The following ZCWPW2 variants were observed in gnomAD, a reference collection of about 807,000 sequenced individuals.
The protein encoded by ZCWPW2 is zinc finger CW-type and PWWP domain containing 2.
In ZCWPW2, 45 loss-of-function variants were observed where a neutral mutation model predicts 46.6. The ratio of observed to expected loss-of-function variants is 0.96; its 90% CI spans 0.76 to 1.24. The LOEUF is 1.24. Among genes scored for constraint, ZCWPW2 ranks in the 50% most tolerant of loss-of-function variants. The probability of loss-of-function intolerance (pLI) is 0.00; values close to 1 mark genes in which losing one functional copy is unlikely to be tolerated. For missense variants in ZCWPW2, 429 were observed against 403.9 expected (o/e 1.06, Z -0.53); for synonymous variants, 152 against 137.1 (o/e 1.11, Z -0.76).
intron 4 of ZCWPW2, 138 bp downstream of exon 4, chr3:28,435,407 GTATTTT>G: frequency 1.4e-6 from 1 of 707,102 alleles, no homozygotes; most frequent in Non-Finnish European, 2.0e-6. Flanking sequence ...TCAAATATTT[GTATTTT>G]TAGTGTTTTT....
At chr3:28,369,379 G>A (rs1705233303) in intron 1 of ZCWPW2, among the ~76,000 whole-genome samples, 1 of 152,184 alleles carries the variant, frequency 6.6e-6, no homozygotes, top group African/African-American at 2.4e-5. Flanking sequence ...CTATCAGTCA[G>A]GACCCTCAGC....
rs1352152371 is a variant in ZCWPW2 at position 28,524,716 on chromosome 3, TA to T, written c.*33del. 39 of 1,429,736 alleles carry T rather than the reference TA, an allele frequency of 2.7e-5. No individual in the cohort carries two copies. Among genetic ancestry groups the T allele is most frequent in the Non-Finnish European group, 3.4e-5 (37 of 1,076,180 alleles). The allele number at this position is 1,429,736 out of a possible 1,614,324, so 88.6% of individuals were successfully genotyped here. A position where few individuals can be genotyped will look rare whatever the true frequency, so the allele number is the denominator to read the frequency against. ...CATTATACATTTTTCAAATTAATTATAAAAATATTGGCATCTTTATATTTAT... is the reference window on the plus strand; with the variant it reads ...CATTATACATTTTTCAAATTAATTATAAAATATTGGCATCTTTATATTTAT... On this transcript the variant is annotated 3_prime_UTR_variant, in exon 10 of 10. Coordinates refer to ENST00000383768, the MANE Select transcript of ZCWPW2 (RefSeq NM_001040432.4).
At chr3:28,511,073 C>A (rs771483646) in intron 6 of ZCWPW2, 5 of 455,610 alleles carry the variant, frequency 1.1e-5, no homozygotes, top group Non-Finnish European at 2.2e-5. Context: ...AGACCCTGGG[C>A]ATAATCAATG....
chr3:28,358,941 T>G (rs1479709958), intron 1 of ZCWPW2, among the ~76,000 whole-genome samples: 4 of 152,222 alleles, frequency 2.6e-5, no homozygotes, highest in Admixed American at 2.0e-4. Flanking sequence ...TGAGATAATG[T>G]GTACAAATAG....
intron 5 of ZCWPW2, among the ~76,000 whole-genome samples, chr3:28,489,652 T>C (rs1252323294): frequency 7.4e-6 from 1 of 134,688 alleles, no homozygotes; most frequent in Non-Finnish European, 1.6e-5. Flanking sequence ...TCTCTCTCTT[T>C]CACACACACA....
Position 28,510,585 on chromosome 3 carries a change from C to T in ZCWPW2, c.658-3479C>T, listed in dbSNP as rs531151293. ...TCCTCCAAAGTACATTCTGTAGTAG[C>T]TCTTTCAGCAAAGTTCTATCTTTTT... On this transcript the variant is annotated intron_variant, in intron 6 of 9. Coordinates refer to ENST00000383768, the MANE Select transcript of ZCWPW2 (RefSeq NM_001040432.4). Among the ~76,000 whole-genome samples, 252 of 152,214 alleles carry T rather than the reference C, an allele frequency of 1.7e-3. 1 individual carries two copies. Among genetic ancestry groups the T allele is most frequent in the Non-Finnish European group, 2.7e-3 (185 of 68,022 alleles).
chr3:28,409,808 GAA>G (rs1394919621), intron 2 of ZCWPW2, among the ~76,000 whole-genome samples: 3 of 152,040 alleles, frequency 2.0e-5, no homozygotes, highest in Non-Finnish European at 2.9e-5. Context: ...AATAAGTAAA[GAA>G]ATAGCATAAT....
chr3:28,503,925 G>T lies in ZCWPW2; in HGVS notation c.658-10139G>T, dbSNP rs1700212772. ...TAATACCTTTACTTTGCCAAGCAGG[G>T]TGGCTCATGCCCATAATCCTTGCAC... On this transcript the variant is annotated intron_variant, in intron 6 of 9. Transcript: ENST00000383768. 2.0e-5 allele frequency among the ~76,000 whole-genome samples: 3 copies of T among 151,904 alleles called. No homozygotes were observed. The South Asian group carries it at 6.2e-4, about 32-fold the overall frequency.
intron 4 of ZCWPW2, chr3:28,447,788 C>T (rs1698054918): frequency 1.3e-6 from 1 of 787,342 alleles, no homozygotes; most frequent in Admixed American, 1.8e-5. Context: ...TAAAACTAGG[C>T]TTTCCTGAAC....
At chr3:28,437,663 T>C (rs1697556544) in intron 4 of ZCWPW2, among the ~76,000 whole-genome samples, 1 of 152,220 alleles carries the variant, frequency 6.6e-6, no homozygotes, top group South Asian at 2.1e-4. Context: ...GAACTATTCA[T>C]TGATACACTG....
At chr3:28,371,498 T>C (rs1324351058) in intron 1 of ZCWPW2, among the ~76,000 whole-genome samples, 2 of 151,970 alleles carry the variant, frequency 1.3e-5, no homozygotes, top group Non-Finnish European at 2.9e-5. Flanking sequence ...GTTGAACAAA[T>C]ATCAGGAGTG....
intron 4 of ZCWPW2, among the ~76,000 whole-genome samples, chr3:28,437,871 T>C (rs979299767): frequency 1.3e-5 from 2 of 152,216 alleles, no homozygotes; most frequent in African/African-American, 4.8e-5. Flanking sequence ...GGAAGCACCA[T>C]GAATATGTCT....
At chr3:28,381,524 G>A (rs751063994) in intron 1 of ZCWPW2, among the ~76,000 whole-genome samples, 2 of 152,088 alleles carry the variant, frequency 1.3e-5, no homozygotes, top group Non-Finnish European at 2.9e-5. Context: ...CATGTAAGTG[G>A]ACCCATGCAG....
At chr3:28,372,017 CTCCTGCCCCTCCTCCTCCTTCTCT>C (rs1266061359) in intron 1 of ZCWPW2, among the ~76,000 whole-genome samples, 16 of 151,214 alleles carry the variant, frequency 1.1e-4, no homozygotes, top group South Asian at 2.1e-4. Flanking sequence ...CCTCTTTCTC[CTCCTGCCCCTCCTCCTCCTTCTCT>C]TCCTGCCCCT....
chr3:28,401,463 G>A (rs1473922759), intron 2 of ZCWPW2, among the ~76,000 whole-genome samples: 1 of 152,066 alleles, frequency 6.6e-6, no homozygotes, highest in African/African-American at 2.4e-5. Context: ...TAAGAAATGA[G>A]ATAGACAGCA....
chr3:28,420,983 G>T (rs1037216026), intron 3 of ZCWPW2, among the ~76,000 whole-genome samples: 4 of 151,916 alleles, frequency 2.6e-5, no homozygotes, highest in Non-Finnish European at 5.9e-5. Flanking sequence ...ATGTTCATTT[G>T]GTTCTTTATA....
rs1695449498 is a variant in ZCWPW2 at position 28,390,629 on chromosome 3, A to G, written c.-14+12A>G. The G allele has an allele frequency of 9.1e-6, 9 of 985,312 alleles. No homozygotes were observed. Among genetic ancestry groups the G allele is most frequent in the Non-Finnish European group, 1.1e-5 (9 of 829,920 alleles). 61.0% of individuals were successfully genotyped at this position (985,312 alleles called of 1,614,324 possible). A position where few individuals can be genotyped will look rare whatever the true frequency, so the allele number is the denominator to read the frequency against. ...AAAAGTCTAACTCCGTAAGTACTTG[A>G]GAAACTCCAAAATGTTTTTCTCTAG... On this transcript the variant is annotated intron_variant, in intron 2 of 9. Transcript: ENST00000383768.
intron 4 of ZCWPW2, among the ~76,000 whole-genome samples, chr3:28,453,883 C>T (rs1462741617): frequency 2.0e-5 from 3 of 148,202 alleles, no homozygotes; most frequent in East Asian, 4.0e-4. Flanking sequence ...CTCGCTCTGT[C>T]GCCCAGGCTG....
chr3:28,515,978 C>G (rs893396338), intron 8 of ZCWPW2, among the ~76,000 whole-genome samples: 2 of 152,074 alleles, frequency 1.3e-5, no homozygotes, highest in Non-Finnish European at 2.9e-5. Flanking sequence ...CGGTGGCTCA[C>G]GCCTGTAATC....
Sources: allele counts gnomAD v4.1 joint callset (sites outside exome capture counted in the v4.1 genomes callset), GRCh38; gene constraint gnomAD v4.1.1; transcripts MANE v1.5; gene names NCBI Gene and HGNC (gene_info 2026-07-23, HGNC 2026-07-21).